Variants in CACNA2D3 observed in about 807,000 individuals in gnomAD.
CACNA2D3 encodes the protein voltage-dependent calcium channel subunit alpha-2/delta-3.
CACNA2D3 carries 60 observed loss-of-function variants against 160.6 expected under a neutral mutation model. The ratio of observed to expected loss-of-function variants is 0.37; its 90% CI spans 0.30 to 0.46. The LOEUF is 0.46. Among genes scored for constraint, CACNA2D3 ranks in the 20% least tolerant of loss-of-function variants. The pLI is 1.00. For synonymous variants in CACNA2D3, 558 were observed against 492.9 expected, an observed-to-expected ratio of 1.13 and a Z score of -1.75; for missense variants, 1,205 against 1,365.0, an observed-to-expected ratio of 0.88 and a Z score of 1.85.
At chr3:54,655,659 C>G (rs550393569) in intron 11 of CACNA2D3, among the ~76,000 whole-genome samples, 11 of 152,222 alleles carry the variant, frequency 7.2e-5, no homozygotes, top group African/African-American at 2.6e-4. Context: ...TCCATTTTAC[C>G]TGAACTCCTG....
chr3:54,936,038 C>G (rs976375737), intron 27 of CACNA2D3, among the ~76,000 whole-genome samples: 1 of 152,126 alleles, frequency 6.6e-6, no homozygotes, highest in Non-Finnish European at 1.5e-5. Context: ...CCAACATTTA[C>G]TGGCTGTGTG....
intron 35 of CACNA2D3, among the ~76,000 whole-genome samples, chr3:55,041,540 T>C (rs181316144): frequency 6.6e-6 from 1 of 152,300 alleles, no homozygotes; most frequent in Admixed American, 6.5e-5. Context: ...TGTTTTTACA[T>C]GTGTTAGAAA....
chr3:54,756,937 G>A (rs1396493189), intron 12 of CACNA2D3, among the ~76,000 whole-genome samples: 1 of 152,004 alleles, frequency 6.6e-6, no homozygotes, highest in Non-Finnish European at 1.5e-5. Flanking sequence ...CTGTCTTGAG[G>A]GAACCAACCC....
At chr3:54,327,850 C>A (rs969755388) in intron 3 of CACNA2D3, among the ~76,000 whole-genome samples, 2 of 152,076 alleles carry the variant, frequency 1.3e-5, no homozygotes, top group East Asian at 3.9e-4. Flanking sequence ...ATATAAACTT[C>A]TAAAACATTG....
chr3:54,542,044 A>G (rs1273283369), intron 5 of CACNA2D3, among the ~76,000 whole-genome samples: 2 of 151,346 alleles, frequency 1.3e-5, no homozygotes, highest in Non-Finnish European at 2.9e-5. Context: ...GTATATGTGA[A>G]TGAGAGTTTT....
At chr3:54,606,394 T>C (rs1476956214) in intron 9 of CACNA2D3, among the ~76,000 whole-genome samples, 3 of 151,904 alleles carry the variant, frequency 2.0e-5, no homozygotes, top group African/African-American at 7.3e-5. Context: ...AGTTAGAAGG[T>C]TACTGCCAAG....
chr3:54,265,471 A>G (rs1332502284), intron 2 of CACNA2D3, among the ~76,000 whole-genome samples: 1 of 151,794 alleles, frequency 6.6e-6, no homozygotes, highest in African/African-American at 2.4e-5. Context: ...CCACCTTGGC[A>G]TGTGTATACC....
chr3:54,608,954 G>A (rs965384848), intron 9 of CACNA2D3, among the ~76,000 whole-genome samples: 6 of 152,044 alleles, frequency 3.9e-5, no homozygotes, highest in South Asian at 2.1e-4. Context: ...AACCTTTTTC[G>A]TCTGTTTTCT....
At chr3:54,141,623 A>G (rs1312381829) in intron 2 of CACNA2D3, among the ~76,000 whole-genome samples, 1 of 152,194 alleles carries the variant, frequency 6.6e-6, no homozygotes, top group Non-Finnish European at 1.5e-5. Context: ...TAAATTTGAG[A>G]GATGATGGCT....
At chr3:54,701,272 A>C (rs1700762780) in intron 11 of CACNA2D3, among the ~76,000 whole-genome samples, 1 of 152,210 alleles carries the variant, frequency 6.6e-6, no homozygotes, top group Admixed American at 6.5e-5. Context: ...ATTATATGAG[A>C]AACTGGTTTG....
At chr3:54,919,144 A>G (rs1031150130) in intron 27 of CACNA2D3, among the ~76,000 whole-genome samples, 1 of 152,182 alleles carries the variant, frequency 6.6e-6, no homozygotes, top group Admixed American at 6.5e-5. Flanking sequence ...AGTAACCTTC[A>G]TGTTCTCTAA....
chr3:54,283,044 A>G (rs2107465288), intron 2 of CACNA2D3, among the ~76,000 whole-genome samples: 1 of 152,328 alleles, frequency 6.6e-6, no homozygotes, highest in South Asian at 2.1e-4. Flanking sequence ...CATGATCCTA[A>G]AAGGATTTTT....
chr3:54,534,982 A>G (rs1276530684), intron 5 of CACNA2D3, among the ~76,000 whole-genome samples: 1 of 152,136 alleles, frequency 6.6e-6, no homozygotes, highest in Non-Finnish European at 1.5e-5. Flanking sequence ...GTCATTCCCA[A>G]TTCTTCTCTG....
chr3:54,189,397 C>T (rs1382959166), intron 2 of CACNA2D3, among the ~76,000 whole-genome samples: 1 of 152,152 alleles, frequency 6.6e-6, no homozygotes, highest in Non-Finnish European at 1.5e-5. Context: ...ATAGTCTTAC[C>T]TTAAGACCAT....
intron 27 of CACNA2D3, among the ~76,000 whole-genome samples, chr3:54,964,761 G>A (rs1702105818): frequency 6.6e-6 from 1 of 152,086 alleles, no homozygotes; most frequent in Admixed American, 6.5e-5. Flanking sequence ...TTGGCCATAG[G>A]ATTCCCTTAA....
At chr3:54,187,943 GT>G (rs1209241272) in intron 2 of CACNA2D3, among the ~76,000 whole-genome samples, 17 of 152,098 alleles carry the variant, frequency 1.1e-4, no homozygotes, top group Non-Finnish European at 1.0e-4. Context: ...CGGGGGTTGG[GT>G]GTTTAAGGAT....
intron 16 of CACNA2D3, among the ~76,000 whole-genome samples, chr3:54,843,465 A>G (rs1003334304): frequency 9.9e-5 from 15 of 152,230 alleles, no homozygotes; most frequent in African/African-American, 3.1e-4. Context: ...CTGGGAGAGA[A>G]AATTGCAGGG....
intron 2 of CACNA2D3, among the ~76,000 whole-genome samples, chr3:54,265,483 A>G (rs1407322672): frequency 5.9e-5 from 9 of 151,862 alleles, no homozygotes; most frequent in Non-Finnish European, 1.5e-5. Flanking sequence ...GTGTATACCT[A>G]TGTAACAAAC....
chr3:54,626,585 C>G, intron 9 of CACNA2D3: 3 of 1,552,800 alleles, frequency 1.9e-6, no homozygotes, highest in Non-Finnish European at 2.7e-6. Flanking sequence ...ACCTACAAGC[C>G]CATAAAGCAC....
Sources: gnomAD v4.1 joint callset for allele counts (sites outside exome capture counted in the v4.1 genomes callset) on GRCh38, gnomAD v4.1.1 for gene constraint, MANE v1.5 for transcripts, NCBI Gene and HGNC (gene_info 2026-07-23, HGNC 2026-07-21) for gene names.